Variants in CADPS observed in about 807,000 individuals in gnomAD.
CADPS encodes the protein calcium dependent secretion activator, also known as calcium-dependent secretion activator 1.
In CADPS, 57 loss-of-function variants were observed where a neutral mutation model predicts 167.3. That is an observed-to-expected ratio of 0.34 (90% CI 0.28 to 0.42). The LOEUF is 0.42. CADPS is among the 20% of genes least tolerant of loss of function. The pLI is 1.00. For synonymous variants in CADPS, 676 were observed against 635.3 expected (o/e 1.06, Z -0.96); for missense variants, 1,414 against 1,738.1 (o/e 0.81, Z 3.32).
intron 6 of CADPS, among the ~76,000 whole-genome samples, chr3:62,606,675 A>G (rs2060735497): frequency 1.3e-5 from 2 of 152,260 alleles, no homozygotes; most frequent in Admixed American, 1.3e-4. Flanking sequence ...TTGACTTTAA[A>G]ATTACCCATG....
intron 28 of CADPS, among the ~76,000 whole-genome samples, chr3:62,416,893 G>A (rs2050171430): frequency 6.6e-6 from 1 of 151,406 alleles, no homozygotes. Context: ...CTGAGACAGG[G>A]TCTTACTCTG....
At chr3:62,661,266 T>A (rs1032085190) in intron 4 of CADPS, among the ~76,000 whole-genome samples, 7 of 152,090 alleles carry the variant, frequency 4.6e-5, no homozygotes, top group African/African-American at 1.2e-4. Flanking sequence ...GCTGCTATAA[T>A]AAAGGTTGAT....
intron 16 of CADPS, among the ~76,000 whole-genome samples, chr3:62,515,154 T>C (rs1344721325): frequency 2.0e-5 from 3 of 152,112 alleles, no homozygotes; most frequent in Non-Finnish European, 4.4e-5. Flanking sequence ...TCCCCCCAGT[T>C]GTCTTGAGGC....
At chr3:62,667,077 G>C (rs570951173) in intron 3 of CADPS, among the ~76,000 whole-genome samples, 9 of 143,140 alleles carry the variant, frequency 6.3e-5, no homozygotes, top group Admixed American at 1.4e-4. Flanking sequence ...CTGACACAGA[G>C]TGAACAAGCA....
rs1002990119 is a variant in CADPS, at chr3:62,514,210, A to G, written c.2582-1442T>C. Among the ~76,000 whole-genome samples, 4 of 152,076 alleles carry G rather than the reference A, an allele frequency of 2.6e-5. No individual in the cohort carries two copies. Among genetic ancestry groups the G allele is most frequent in the Non-Finnish European group, 5.9e-5 (4 of 67,984 alleles). On this transcript the variant is annotated intron_variant, in intron 16 of 29. Coordinates refer to ENST00000383710, the MANE Select transcript of CADPS (RefSeq NM_003716.4). This position sits in a 1 kb window ranked among gnomAD's most constrained non-coding sequence, Gnocchi z 4.2. ...GTAGGATCAGAGCCTTGTAAAAGAA[A>G]GTTGTCTGGTAGTAATATCTTTCAG...
intron 3 of CADPS, among the ~76,000 whole-genome samples, chr3:62,697,207 C>T (rs1417874525): frequency 1.3e-5 from 2 of 151,980 alleles, no homozygotes; most frequent in Non-Finnish European, 2.9e-5. Context: ...TTGGTGTACC[C>T]TTCAGCCGAG....
intron 1 of CADPS, among the ~76,000 whole-genome samples, chr3:62,796,884 A>G (rs570499043): frequency 6.6e-6 from 1 of 152,356 alleles, no homozygotes; most frequent in African/African-American, 2.4e-5. Context: ...AATCATTGCT[A>G]TGAAAACACT....
intron 4 of CADPS, among the ~76,000 whole-genome samples, chr3:62,659,128 G>T (rs1322533507): frequency 6.6e-6 from 1 of 152,110 alleles, no homozygotes; most frequent in East Asian, 1.9e-4. Context: ...ACATATGATG[G>T]ATGACATCTA....
At chr3:62,770,808 A>G (rs995453067) in intron 1 of CADPS, among the ~76,000 whole-genome samples, 3 of 152,176 alleles carry the variant, frequency 2.0e-5, no homozygotes, top group African/African-American at 7.2e-5. Flanking sequence ...AGACCCCAGA[A>G]GCTCCTGGAT....
chr3:62,625,630 C>T (rs914199808), intron 6 of CADPS: 1 of 150,804 alleles, frequency 6.6e-6, no homozygotes, highest in Admixed American at 6.6e-5. Context: ...TTCTCTTCCT[C>T]CTTTTATACC....
intron 6 of CADPS, among the ~76,000 whole-genome samples, chr3:62,597,403 TTGGTCA>T (rs1184435703): frequency 3.9e-5 from 6 of 152,284 alleles, no homozygotes; most frequent in South Asian, 4.2e-4. Context: ...TTCATTATAC[TTGGTCA>T]TGGGGAAGAG....
intron 1 of CADPS, among the ~76,000 whole-genome samples, chr3:62,843,519 CTA>C (rs2076942659): frequency 8.3e-6 from 1 of 120,562 alleles, no homozygotes; most frequent in Non-Finnish European, 1.9e-5. Context: ...GTGTGTGTGT[CTA>C]TGTGTGTACA....
chr3:62,604,285 G>A (rs900330826), intron 6 of CADPS, among the ~76,000 whole-genome samples: 2 of 152,164 alleles, frequency 1.3e-5, no homozygotes, highest in South Asian at 2.1e-4. Context: ...CTGCCTGCCT[G>A]TCTCTCCAAT....
At chr3:62,457,445 G>GT (rs893872597) in intron 26 of CADPS, among the ~76,000 whole-genome samples, 1 of 152,156 alleles carries the variant, frequency 6.6e-6, no homozygotes, top group Non-Finnish European at 1.5e-5. Flanking sequence ...ATAAAGAGGT[G>GT]TTTTAGAGAC....
At chr3:62,546,019 A>G (rs2076395697) in intron 11 of CADPS, among the ~76,000 whole-genome samples, 1 of 152,204 alleles carries the variant, frequency 6.6e-6, no homozygotes, top group South Asian at 2.1e-4. Context: ...AGTACTTTGA[A>G]CAAATATTCA....
chr3:62,663,180 A>G (rs1038970901), intron 3 of CADPS, among the ~76,000 whole-genome samples: 8 of 152,176 alleles, frequency 5.3e-5, no homozygotes, highest in African/African-American at 1.7e-4. Context: ...TGAGGGCCAT[A>G]AGATCTCTGT....
At chr3:62,444,984 C>T (rs2056968871) in intron 27 of CADPS, among the ~76,000 whole-genome samples, 1 of 152,060 alleles carries the variant, frequency 6.6e-6, no homozygotes, top group African/African-American at 2.4e-5. Flanking sequence ...AATGGAGAAA[C>T]AAAATCATTT....
At chr3:62,646,414 C>A (rs143846712) in intron 5 of CADPS, among the ~76,000 whole-genome samples, 1 of 151,962 alleles carries the variant, frequency 6.6e-6, no homozygotes, top group South Asian at 2.1e-4. Context: ...TCAGGCACTA[C>A]GCCCGCCTCA....
At chr3:62,755,606 GT>G (rs200988992) in intron 2 of CADPS, among the ~76,000 whole-genome samples, 3 of 151,700 alleles carry the variant, frequency 2.0e-5, no homozygotes, top group Admixed American at 6.6e-5. Context: ...GTGGAGAGAT[GT>G]TTTTTTTTAA....
Sources: allele counts gnomAD v4.1 joint callset (sites outside exome capture counted in the v4.1 genomes callset), GRCh38; gene constraint gnomAD v4.1.1; non-coding constraint Gnocchi (gnomAD v3.1); transcripts MANE v1.5; gene names NCBI Gene and HGNC (gene_info 2026-07-23, HGNC 2026-07-21).